The following ABCG1 variants were observed in gnomAD, a reference collection of about 807,000 sequenced individuals.
The protein encoded by ABCG1 is ATP-binding cassette sub-family G member 1.
ABCG1 carries 29 observed loss-of-function variants against 69.2 expected under a neutral mutation model. The ratio of observed to expected loss-of-function variants is 0.42; its 90% CI spans 0.31 to 0.57. The LOEUF (loss-of-function observed/expected upper bound fraction) is 0.57, where lower values mean the gene tolerates loss of function less well. ABCG1 is among the 20% of genes least tolerant of loss of function. The pLI is 0.15. For missense variants in ABCG1, 718 were observed against 898.1 expected, an observed-to-expected ratio of 0.80 and a Z score of 2.56; for synonymous variants, 370 against 374.8, an observed-to-expected ratio of 0.99 and a Z score of 0.15.
intron 2 of ABCG1, among the ~76,000 whole-genome samples, chr21:42,241,977 C>CAAAAAAAAAAAA (rs35823612): frequency 1.1e-5 from 1 of 94,256 alleles, no homozygotes; most frequent in African/African-American, 3.9e-5. Context: ...GACCCTGTCT[C>CAAAAAAAAAAAA]AAAAAAAAAA....
At chr21:42,270,827 C>T (rs951909755) in intron 2 of ABCG1, among the ~76,000 whole-genome samples, 13 of 152,022 alleles carry the variant, frequency 8.6e-5, no homozygotes, top group South Asian at 2.1e-4. Flanking sequence ...GCTTTGTGAG[C>T]TCTAAAGCAT....
At position 42,204,125 on chromosome 21, in the gene ABCG1, T is replaced by C. The variant is rs1023643895; in HGVS notation, c.48+2402T>C. Among the ~76,000 whole-genome samples, 5 of 152,360 alleles carry C rather than the reference T, an allele frequency of 3.3e-5. No individual in the cohort carries two copies. In the East Asian group the frequency reaches 7.7e-4, roughly 23 times the overall value. ...CAACCTTGCTTGAACTCACTTATTG[T>C]TTCAGGAGTGCTTTTGTGGATAGAT... On this transcript the variant is annotated intron_variant, in intron 2 of 15. Transcript: ENST00000398457.
intron 6 of ABCG1, among the ~76,000 whole-genome samples, chr21:42,283,525 A>T (rs2068852732): frequency 6.6e-6 from 1 of 152,206 alleles, no homozygotes; most frequent in South Asian, 2.1e-4. Context: ...GGGCTGCAGC[A>T]AGGCCACCTT....
At chr21:42,221,088 G>A (rs2067718867) in intron 1 of ABCG1, 1 of 152,126 alleles carries the variant, frequency 6.6e-6, no homozygotes, top group Admixed American at 6.5e-5. Flanking sequence ...TGGGCTCATT[G>A]TTTTGGAGAA....
At chr21:42,250,551 C>A (rs997029307) in intron 2 of ABCG1, among the ~76,000 whole-genome samples, 1 of 152,164 alleles carries the variant, frequency 6.6e-6, no homozygotes, top group African/African-American at 2.4e-5. Context: ...CTGGGACCTC[C>A]CAGGGAATGA....
chr21:42,284,995 G>T (rs913068088), intron 7 of ABCG1, among the ~76,000 whole-genome samples: 2 of 152,116 alleles, frequency 1.3e-5, no homozygotes, highest in Non-Finnish European at 2.9e-5. Context: ...TGTGAGACTT[G>T]TGGAACCACA....
chr21:42,258,575 C>A (rs1282530984), intron 2 of ABCG1, among the ~76,000 whole-genome samples: 5 of 151,690 alleles, frequency 3.3e-5, no homozygotes, highest in Admixed American at 3.3e-4. Flanking sequence ...TGAACATGTT[C>A]CCTGTGTATC....
intron 7 of ABCG1, among the ~76,000 whole-genome samples, chr21:42,285,403 G>A (rs1350330110): frequency 6.6e-6 from 1 of 152,084 alleles, no homozygotes; most frequent in Non-Finnish European, 1.5e-5. Context: ...CTACTGGGGA[G>A]GCTGATGTGG....
At chr21:42,227,446 G>A (rs927077736) in intron 2 of ABCG1, among the ~76,000 whole-genome samples, 1 of 152,210 alleles carries the variant, frequency 6.6e-6, no homozygotes, top group African/African-American at 2.4e-5. Context: ...GCAACATAGA[G>A]CGATTCCTGT....
intron 2 of ABCG1, among the ~76,000 whole-genome samples, chr21:42,259,758 T>C (rs1475688479): frequency 6.6e-6 from 1 of 152,244 alleles, no homozygotes; most frequent in Non-Finnish European, 1.5e-5. Flanking sequence ...ATTTGCCACT[T>C]GCCACAGGTC....
chr21:42,209,587 G>A (rs1403228994), intron 2 of ABCG1, among the ~76,000 whole-genome samples: 1 of 152,172 alleles, frequency 6.6e-6, no homozygotes, highest in Non-Finnish European at 1.5e-5. Context: ...TCATAGAGTG[G>A]CTTTGGGCCT....
At chr21:42,260,031 G>C (rs1044102104) in intron 2 of ABCG1, 1 of 1,549,630 alleles carries the variant, frequency 6.5e-7, no homozygotes, top group East Asian at 2.4e-5. Context: ...AGTCCAGGGA[G>C]GGCCCCATCA....
chr21:42,259,994 T>G, intron 2 of ABCG1: 1 of 1,535,258 alleles, frequency 6.5e-7, no homozygotes. Flanking sequence ...TTCAGGCCAG[T>G]GCGGCATCCT....
chr21:42,262,424 A>G (rs1390344036), intron 2 of ABCG1, among the ~76,000 whole-genome samples: 1 of 152,230 alleles, frequency 6.6e-6, no homozygotes, highest in African/African-American at 2.4e-5. Flanking sequence ...ATCTCACTGC[A>G]TCAGCGCTGC....
At chr21:42,211,913 CA>C (rs1371545952), upstream of ABCG1, among the ~76,000 whole-genome samples, 1 of 151,738 alleles carries the variant, frequency 6.6e-6, no homozygotes, top group Non-Finnish European at 1.5e-5. Context: ...AAAAACAAAA[CA>C]AAACAAAACA....
chr21:42,290,330 G>GT (rs1418274793), intron 11 of ABCG1, 112 bp downstream of exon 11: 57 of 1,279,966 alleles, frequency 4.5e-5, no homozygotes, highest in Non-Finnish European at 5.7e-5. Context: ...CAATGTTTTT[G>GT]TTTTTTTAAA....
chr21:42,248,810 G>T lies in ABCG1; in HGVS notation c.287-22260G>T, dbSNP rs138782889. Among the ~76,000 whole-genome samples, 5 of 151,840 alleles carry T rather than the reference G, an allele frequency of 3.3e-5. No homozygotes were observed. The East Asian group carries it at 9.7e-4, about 29-fold the overall frequency. On this transcript the variant is annotated intron_variant, in intron 2 of 14. Transcript: ENST00000398449. Reference sequence around the variant, plus strand: ...TAGTCCCAGTTACTTGGGGGGCTGAGGGAGGACTTTTTGAGCCAGGGAGAT... The same window carrying T: ...TAGTCCCAGTTACTTGGGGGGCTGATGGAGGACTTTTTGAGCCAGGGAGAT...
At chr21:42,264,078 G>A (rs190603957) in intron 2 of ABCG1, among the ~76,000 whole-genome samples, 3 of 152,334 alleles carry the variant, frequency 2.0e-5, no homozygotes, top group Admixed American at 6.5e-5. Context: ...AGAGCTGGAA[G>A]CAGAAGAAGA....
rs1056973317 is a variant in ABCG1 at position 42,291,032 on chromosome 21, G to A, written c.1394-60G>A. 4.5e-6 allele frequency: 6 copies of A among 1,322,592 alleles called. No individual in the cohort carries two copies. Among genetic ancestry groups the A allele is most frequent in the African/African-American group, 1.4e-5 (1 of 69,440 alleles). 81.9% of individuals were successfully genotyped at this position (1,322,592 alleles called of 1,614,324 possible). A position where few individuals can be genotyped will look rare whatever the true frequency, so the allele number is the denominator to read the frequency against. On this transcript the variant is annotated intron_variant, in intron 11 of 14. Transcript: ENST00000398449. The surrounding 1 kb of genome is among the most constrained non-coding windows in gnomAD (Gnocchi z 6.4). ...TCAGCTCAAGATCGCCTGTTGGGAT[G>A]TTAAACGGGCTCGCTGCACATGGTC...
Sources: allele counts gnomAD v4.1 joint callset (sites outside exome capture counted in the v4.1 genomes callset), GRCh38; gene constraint gnomAD v4.1.1; non-coding constraint Gnocchi (gnomAD v3.1); transcripts MANE v1.5; gene names NCBI Gene and HGNC (gene_info 2026-07-23, HGNC 2026-07-21).